The following PAFAH1B1 variants were observed in gnomAD, a reference collection of about 807,000 sequenced individuals.
PAFAH1B1 encodes platelet activating factor acetylhydrolase 1b regulatory subunit 1, also known as platelet-activating factor acetylhydrolase IB subunit beta.
Under a neutral mutation model 57.5 loss-of-function variants are expected in PAFAH1B1, and 2 were observed. That is an observed-to-expected ratio of 0.03 (90% CI 0.01 to 0.11). PAFAH1B1 has a LOEUF of 0.11. Among genes scored for constraint, PAFAH1B1 ranks in the 10% least tolerant of loss-of-function variants. The pLI is 1.00. For synonymous variants in PAFAH1B1, 152 were observed against 169.6 expected, an observed-to-expected ratio of 0.90 and a Z score of 0.81; for missense variants, 257 against 512.0, an observed-to-expected ratio of 0.50 and a Z score of 4.81.
At chr17:2,599,341 T>G (rs752116756) in intron 1 of PAFAH1B1, among the ~76,000 whole-genome samples, 1 of 152,230 alleles carries the variant, frequency 6.6e-6, no homozygotes, top group Non-Finnish European at 1.5e-5. Flanking sequence ...CACACATTCC[T>G]TCTTTCTATA....
At chr17:2,644,552 A>C (rs1297840346) in intron 2 of PAFAH1B1, among the ~76,000 whole-genome samples, 1 of 152,166 alleles carries the variant, frequency 6.6e-6, no homozygotes, top group African/African-American at 2.4e-5. Context: ...TCAAAAAATA[A>C]ATAAATAAAT....
chr17:2,593,647 C>A, upstream of PAFAH1B1: 1 of 262,182 alleles, frequency 3.8e-6, no homozygotes, highest in South Asian at 1.0e-4. Context: ...GGGGCAGCTC[C>A]TGTGACAGAC....
intron 1 of PAFAH1B1, among the ~76,000 whole-genome samples, chr17:2,602,464 T>C (rs933114465): frequency 9.8e-5 from 15 of 152,336 alleles, no homozygotes; most frequent in African/African-American, 3.4e-4. Context: ...TCTTCTTTCT[T>C]CCTCTATATC....
intron 7 of PAFAH1B1, among the ~76,000 whole-genome samples, chr17:2,673,375 C>T (rs1567559227): frequency 6.6e-6 from 1 of 152,016 alleles, no homozygotes; most frequent in South Asian, 2.1e-4. Flanking sequence ...CGCGGTGGCT[C>T]ACGCCTGTAA....
chr17:2,653,071 C>T (rs910459828), intron 2 of PAFAH1B1, among the ~76,000 whole-genome samples: 2 of 152,146 alleles, frequency 1.3e-5, no homozygotes, highest in African/African-American at 2.4e-5. Flanking sequence ...ACATATACAT[C>T]GTGGAATACT....
At chr17:2,679,332 G>GGATA (rs1441910817) in intron 9 of PAFAH1B1, among the ~76,000 whole-genome samples, 1 of 152,122 alleles carries the variant, frequency 6.6e-6, no homozygotes, top group Non-Finnish European at 1.5e-5. Flanking sequence ...AAATATGGAT[G>GGATA]GATAGATGGA....
chr17:2,665,287 G>A (rs1374522947), intron 2 of PAFAH1B1, 85 bp from the exon 3 acceptor site: 2 of 794,674 alleles, frequency 2.5e-6, no homozygotes, highest in Admixed American at 1.9e-5. Context: ...GTATCTTCAG[G>A]GTTAATGAGA....
At chr17:2,597,781 A>G (rs2068100521) in intron 1 of PAFAH1B1, among the ~76,000 whole-genome samples, 1 of 150,852 alleles carries the variant, frequency 6.6e-6, no homozygotes, top group Non-Finnish European at 1.5e-5. Context: ...AGAGACAGAA[A>G]GTGTGTGTGT....
intron 2 of PAFAH1B1, among the ~76,000 whole-genome samples, chr17:2,659,796 C>T (rs2151653332): frequency 6.6e-6 from 1 of 152,232 alleles, no homozygotes; most frequent in South Asian, 2.1e-4. Flanking sequence ...GATCATGCCA[C>T]TGCACTCCAG....
At chr17:2,643,907 C>T (rs889159042) in intron 2 of PAFAH1B1, among the ~76,000 whole-genome samples, 10 of 152,008 alleles carry the variant, frequency 6.6e-5, no homozygotes, top group African/African-American at 1.7e-4. Context: ...CAACCCCTTT[C>T]GCCCAGGCTG....
intron 1 of PAFAH1B1, among the ~76,000 whole-genome samples, chr17:2,611,361 A>G (rs1432701823): frequency 1.3e-5 from 2 of 151,866 alleles, no homozygotes; most frequent in African/African-American, 4.8e-5. Context: ...CCAGCTACTC[A>G]GGAGGCTGAG....
intron 2 of PAFAH1B1, among the ~76,000 whole-genome samples, chr17:2,646,198 T>C (rs115896988): frequency 1.6e-3 from 242 of 152,226 alleles, no homozygotes; most frequent in African/African-American, 5.4e-3. Flanking sequence ...GTAAACTTAA[T>C]TGATAAAACC....
intron 5 of PAFAH1B1, chr17:2,667,482 C>T (rs1393565266): frequency 2.8e-6 from 1 of 357,948 alleles, no homozygotes; most frequent in Admixed American, 4.2e-5. Context: ...ATTGTGGCTC[C>T]TGAGAGGCAT....
At chr17:2,607,466 C>T (rs1256844396) in intron 1 of PAFAH1B1, among the ~76,000 whole-genome samples, 3 of 151,754 alleles carry the variant, frequency 2.0e-5, no homozygotes, top group Non-Finnish European at 2.9e-5. Context: ...TGAGCCACCA[C>T]GCCTGGCCTT....
intron 3 of PAFAH1B1, 140 bp from the exon 4 acceptor site, chr17:2,665,876 A>G: frequency 1.1e-6 from 1 of 871,522 alleles, no homozygotes; most frequent in Non-Finnish European, 1.7e-6. Context: ...TGCTGGGATT[A>G]CAGGTGAGCC....
chr17:2,631,250 AAAAG>A (rs1024268078), intron 1 of PAFAH1B1, among the ~76,000 whole-genome samples: 2 of 151,964 alleles, frequency 1.3e-5, no homozygotes, highest in South Asian at 2.1e-4. Context: ...CTCAAAAAAA[AAAAG>A]AAAGAAAAAG....
chr17:2,680,016 C>T (rs2069354207), intron 9 of PAFAH1B1, 148 bp from the exon 10 acceptor site: 1 of 748,122 alleles, frequency 1.3e-6, no homozygotes, highest in South Asian at 1.7e-5. Context: ...TATGAGTTTT[C>T]AGTTTCCTTT....
chr17:2,653,418 T>TAAA (rs34906915), intron 2 of PAFAH1B1, among the ~76,000 whole-genome samples: 1 of 147,284 alleles, frequency 6.8e-6, no homozygotes, highest in Non-Finnish European at 1.5e-5. Context: ...TTAAAAGTAT[T>TAAA]AAAAAAAAAA....
In PAFAH1B1 at chr17:2,682,017, A is replaced by G. The variant is rs1194775098; in HGVS notation, c.*215A>G. 9.8e-6 allele frequency: 5 copies of G among 511,536 alleles called. No individual in the cohort carries two copies. The highest frequency in any genetic ancestry group is 3.0e-5 in the South Asian group (1 of 33,068). The allele number at this position is 511,536 out of a possible 1,614,324, so 31.7% of individuals were successfully genotyped here. On this transcript the variant is annotated 3_prime_UTR_variant, in exon 11 of 11. Transcript: ENST00000397195. The stretch of plus-strand genomic sequence containing the variant: ...TTTACATACGTTGTCTAGAAGTACC[A>G]TAGGGTTTAAAAACCTGGGCTGGCA...
Sources: gnomAD v4.1 joint callset for allele counts (sites outside exome capture counted in the v4.1 genomes callset) on GRCh38, gnomAD v4.1.1 for gene constraint, MANE v1.5 for transcripts, NCBI Gene and HGNC (gene_info 2026-07-23, HGNC 2026-07-21) for gene names.